SPAG16: variants seen among roughly 807,000 people sequenced by gnomAD.
SPAG16 encodes sperm-associated antigen 16 protein.
A neutral mutation model predicts 80.4 loss-of-function variants in SPAG16; 86 were observed. The observed-to-expected ratio is 1.07, with a 90% CI of 0.90 to 1.28. SPAG16 has a LOEUF of 1.28. Among genes scored for constraint, SPAG16 ranks in the 50% most tolerant of loss-of-function variants. The pLI is 0.00. For synonymous variants in SPAG16, 294 were observed against 265.9 expected (o/e 1.11, Z -1.03); for missense variants, 870 against 765.3 (o/e 1.14, Z -1.61).
At chr2:213,682,517 C>T (rs2064445727) in intron 10 of SPAG16, among the ~76,000 whole-genome samples, 1 of 152,152 alleles carries the variant, frequency 6.6e-6, no homozygotes, top group Non-Finnish European at 1.5e-5. Flanking sequence ...GGCATCTGGC[C>T]AATTTTGGTC....
chr2:214,166,353 G>A (rs34330588), intron 15 of SPAG16, among the ~76,000 whole-genome samples: 47,954 of 152,022 alleles, frequency 0.32, 9,560 homozygotes, highest in Non-Finnish European at 0.44. Flanking sequence ...CGAATGGGAG[G>A]CACTTACAGG....
At chr2:214,271,852 C>A (rs201262936) in intron 15 of SPAG16, among the ~76,000 whole-genome samples, 21 of 140,712 alleles carry the variant, frequency 1.5e-4, no homozygotes, top group Middle Eastern at 3.7e-3. Context: ...ACCCCCCCCC[C>A]AAAAAAAAAG....
At chr2:214,173,536 A>G (rs1294879416) in intron 15 of SPAG16, among the ~76,000 whole-genome samples, 1 of 151,824 alleles carries the variant, frequency 6.6e-6, no homozygotes, top group African/African-American at 2.4e-5. Flanking sequence ...AAGAAGTTGA[A>G]TCTCTGAATA....
intron 15 of SPAG16, among the ~76,000 whole-genome samples, chr2:214,251,971 A>C (rs145471509): frequency 6.6e-6 from 1 of 152,258 alleles, no homozygotes; most frequent in African/African-American, 2.4e-5. Flanking sequence ...ATAATCTTAA[A>C]TGAATTGATC....
intron 12 of SPAG16, among the ~76,000 whole-genome samples, chr2:213,965,504 C>T (rs1207194896): frequency 6.6e-6 from 1 of 152,188 alleles, no homozygotes. Context: ...CTCCAATTAA[C>T]ATCTCAGTCC....
chr2:213,791,912 A>G (rs1284972561), intron 10 of SPAG16, among the ~76,000 whole-genome samples: 1 of 152,198 alleles, frequency 6.6e-6, no homozygotes, highest in African/African-American at 2.4e-5. Flanking sequence ...ATATTATGTC[A>G]TCCTGTATTG....
intron 8 of SPAG16, among the ~76,000 whole-genome samples, chr2:213,370,698 A>G (rs979928483): frequency 5.3e-5 from 8 of 152,218 alleles, no homozygotes; most frequent in Admixed American, 4.6e-4. Context: ...TTGACATATC[A>G]ATTAAAATAA....
intron 13 of SPAG16, among the ~76,000 whole-genome samples, chr2:214,086,221 A>C (rs1321522187): frequency 1.3e-5 from 2 of 152,176 alleles, no homozygotes; most frequent in African/African-American, 4.8e-5. Context: ...GCCTTGCACA[A>C]AACTGTATTA....
chr2:214,338,314 G>C (rs1264889636), intron 15 of SPAG16, among the ~76,000 whole-genome samples: 1 of 152,008 alleles, frequency 6.6e-6, no homozygotes, highest in Non-Finnish European at 1.5e-5. Context: ...AGGGGTTCAA[G>C]ACCAGCCTGG....
Position 213,812,910 on chromosome 2 carries a change from T to C in SPAG16, c.1071-49575T>C, listed in dbSNP as rs182965261. Among the ~76,000 whole-genome samples the C allele has an allele frequency of 2.6e-5, 4 of 152,200 alleles. No homozygotes were observed. In the East Asian group the frequency reaches 7.7e-4, roughly 29 times the overall value. ...ATAACCTGAAAGAAGGTTATGAGGT[T>C]TGTATGTGAAAAAATAAAGAATAGG... On this transcript the variant is annotated intron_variant, in intron 10 of 15. Coordinates refer to ENST00000331683, the MANE Select transcript of SPAG16 (RefSeq NM_024532.5).
chr2:213,911,527 G>A (rs776823426), intron 11 of SPAG16, among the ~76,000 whole-genome samples: 18 of 152,184 alleles, frequency 1.2e-4, no homozygotes, highest in Non-Finnish European at 1.6e-4. Context: ...TGTAATACGT[G>A]TAATGAAACC....
intron 10 of SPAG16, among the ~76,000 whole-genome samples, chr2:213,681,583 G>T (rs2064384465): frequency 6.6e-6 from 1 of 152,090 alleles, no homozygotes; most frequent in Admixed American, 6.6e-5. Flanking sequence ...TCTGAGACAG[G>T]CATCCATTCT....
intron 12 of SPAG16, among the ~76,000 whole-genome samples, chr2:214,012,355 G>C (rs924811501): frequency 2.5e-4 from 34 of 134,872 alleles, no homozygotes; most frequent in Admixed American, 4.2e-4. Flanking sequence ...GAGTGCAGTG[G>C]TGTGATCTCT....
At chr2:213,967,144 A>G (rs1175330741) in intron 12 of SPAG16, among the ~76,000 whole-genome samples, 1 of 152,224 alleles carries the variant, frequency 6.6e-6, no homozygotes, top group African/African-American at 2.4e-5. Flanking sequence ...GTTATATTCA[A>G]TATACCTTAT....
intron 15 of SPAG16, among the ~76,000 whole-genome samples, chr2:214,207,190 C>T (rs190315310): frequency 1.9e-4 from 29 of 152,254 alleles, no homozygotes; most frequent in African/African-American, 7.0e-4. Context: ...TTCTTCTATT[C>T]CTGCTTGCCC....
At chr2:214,346,465 G>T (rs1376110889) in intron 15 of SPAG16, among the ~76,000 whole-genome samples, 2 of 152,030 alleles carry the variant, frequency 1.3e-5, no homozygotes, top group African/African-American at 4.8e-5. Flanking sequence ...AAGTTCTTTG[G>T]CACTTCTATT....
At chr2:213,403,860 C>A (rs533802671) in intron 9 of SPAG16, among the ~76,000 whole-genome samples, 89 of 152,270 alleles carry the variant, frequency 5.8e-4, no homozygotes, top group Non-Finnish European at 1.2e-3. Flanking sequence ...TCAGCAAAGT[C>A]TCAGGATACA....
Position 213,653,679 on chromosome 2 carries a change from A to G in SPAG16, c.1070+163589A>G, listed in dbSNP as rs115061467. 7.8e-3 allele frequency among the ~76,000 whole-genome samples: 1,185 copies of G among 152,316 alleles called. 11 individuals carry two copies. The highest frequency in any genetic ancestry group is 0.026 in the African/African-American group (1,095 of 41,578). ...AAATATATCCATCTCTCAAAATTGT[A>G]TAAAAGTATAGTAGCTTTGAATTCT... On this transcript the variant is annotated intron_variant, in intron 10 of 15. Transcript: ENST00000331683.
chr2:213,693,065 G>A (rs970534285), intron 10 of SPAG16, among the ~76,000 whole-genome samples: 2 of 152,176 alleles, frequency 1.3e-5, no homozygotes, highest in African/African-American at 4.8e-5. Flanking sequence ...ATGCCAACAT[G>A]CATTTCTAAG....
Sources: gnomAD v4.1 joint callset for allele counts (sites outside exome capture counted in the v4.1 genomes callset) on GRCh38, gnomAD v4.1.1 for gene constraint, MANE v1.5 for transcripts, NCBI Gene and HGNC (gene_info 2026-07-23, HGNC 2026-07-21) for gene names.